RAP1GAP2: variants seen among roughly 807,000 people sequenced by gnomAD.
The protein encoded by RAP1GAP2 is rap1 GTPase-activating protein 2.
RAP1GAP2 carries 27 observed loss-of-function variants against 95.0 expected under a neutral mutation model. The ratio of observed to expected loss-of-function variants is 0.28; its 90% CI spans 0.21 to 0.39. RAP1GAP2 has a LOEUF of 0.39. Among genes scored for constraint, RAP1GAP2 ranks in the 10% least tolerant of loss-of-function variants. The pLI is 1.00. For missense variants in RAP1GAP2, 771 were observed against 970.0 expected, an observed-to-expected ratio of 0.79 and a Z score of 2.72; for synonymous variants, 373 against 380.9, an observed-to-expected ratio of 0.98 and a Z score of 0.24.
At chr17:3,028,256 G>A (rs994631803) in intron 22 of RAP1GAP2, among the ~76,000 whole-genome samples, 4 of 152,270 alleles carry the variant, frequency 2.6e-5, no homozygotes, top group Non-Finnish European at 4.4e-5. Context: ...GAATGGGAAT[G>A]AGACAATAGT....
chr17:2,835,666 A>C (rs1242529391), intron 2 of RAP1GAP2, among the ~76,000 whole-genome samples: 1 of 152,236 alleles, frequency 6.6e-6, no homozygotes, highest in Non-Finnish European at 1.5e-5. Flanking sequence ...TTGAGGCTGC[A>C]GTGAGCTATG....
intron 2 of RAP1GAP2, among the ~76,000 whole-genome samples, chr17:2,844,020 T>TTTTA (rs2071477022): frequency 1.3e-5 from 2 of 151,688 alleles, no homozygotes; most frequent in African/African-American, 4.8e-5. Flanking sequence ...TTATTTTTAT[T>TTTTA]TTTATTTATT....
intron 2 of RAP1GAP2, among the ~76,000 whole-genome samples, chr17:2,850,292 G>A (rs1012400605): frequency 2.0e-5 from 3 of 151,482 alleles, no homozygotes; most frequent in African/African-American, 4.8e-5. Context: ...GAGCCACTGC[G>A]CCTGGCCCGC....
intron 1 of RAP1GAP2, among the ~76,000 whole-genome samples, chr17:2,786,027 G>A (rs973344303): frequency 6.6e-6 from 1 of 150,388 alleles, no homozygotes; most frequent in Non-Finnish European, 1.5e-5. Flanking sequence ...TCAGCCTCCT[G>A]CGTAGCTGGG....
intron 3 of RAP1GAP2, among the ~76,000 whole-genome samples, chr17:2,939,309 C>T (rs1344038339): frequency 1.2e-4 from 18 of 152,168 alleles, no homozygotes; most frequent in African/African-American, 4.3e-4. Context: ...AGGCTGGTCT[C>T]GAACTCCTGA....
chr17:2,887,267 A>T lies in RAP1GAP2; in HGVS notation c.81-18017A>T, dbSNP rs1484167232. 2.6e-5 allele frequency among the ~76,000 whole-genome samples: 4 copies of T among 151,992 alleles called. No homozygotes were observed. In the East Asian group the frequency reaches 5.8e-4, roughly 22 times the overall value. The stretch of plus-strand genomic sequence containing the variant: ...GAGACGGGGTTTCCCCATATTGCCC[A>T]GGCTGGTCTTGAATTCCTGGCCTCA... On this transcript the variant is annotated intron_variant, in intron 2 of 24. Coordinates refer to ENST00000254695, the MANE Select transcript of RAP1GAP2 (RefSeq NM_015085.5).
intron 2 of RAP1GAP2, among the ~76,000 whole-genome samples, chr17:2,820,735 ATTTTATTTTAT>A (rs1255109655): frequency 6.6e-6 from 1 of 151,318 alleles, no homozygotes; most frequent in Admixed American, 6.6e-5. Context: ...ACAGAAGCAT[ATTTTATTTTAT>A]TTTATTTTGA....
intron 1 of RAP1GAP2, among the ~76,000 whole-genome samples, chr17:2,790,562 T>G (rs1192733356): frequency 3.3e-5 from 5 of 152,250 alleles, no homozygotes; most frequent in African/African-American, 1.2e-4. Flanking sequence ...GGATGAGAGC[T>G]GAGCTCCAGG....
chr17:3,032,106 T>C (rs2047335272), intron 23 of RAP1GAP2, among the ~76,000 whole-genome samples: 1 of 141,352 alleles, frequency 7.1e-6, no homozygotes, highest in African/African-American at 2.7e-5. Context: ...CAGGTCCAGA[T>C]GTGAGGTGGG....
intron 2 of RAP1GAP2, among the ~76,000 whole-genome samples, chr17:2,846,480 G>A (rs1475134406): frequency 1.3e-5 from 2 of 151,974 alleles, no homozygotes; most frequent in African/African-American, 2.4e-5. Context: ...GTGCAATCTC[G>A]GCTCACTGCA....
At chr17:2,966,884 A>G (rs2044624676) in intron 8 of RAP1GAP2, among the ~76,000 whole-genome samples, 1 of 152,106 alleles carries the variant, frequency 6.6e-6, no homozygotes, top group African/African-American at 2.4e-5. Flanking sequence ...CAAAGATCTA[A>G]CCCCCTTTTT....
At chr17:2,872,111 G>A (rs554510001) in intron 2 of RAP1GAP2, among the ~76,000 whole-genome samples, 1 of 151,104 alleles carries the variant, frequency 6.6e-6, no homozygotes, top group East Asian at 1.9e-4. Flanking sequence ...CTACTCGGGA[G>A]GCTGAGGCAG....
chr17:2,805,690 T>C (rs531858850), intron 2 of RAP1GAP2, among the ~76,000 whole-genome samples: 1 of 152,198 alleles, frequency 6.6e-6, no homozygotes, highest in East Asian at 1.9e-4. Flanking sequence ...CTGCTCCTTT[T>C]TGCTACCCTC....
In RAP1GAP2 at chr17:2,800,600, A is replaced by G. The variant is rs774651129; in HGVS notation, c.80+50A>G. 2.5e-6 allele frequency: 4 copies of G among 1,586,908 alleles called. No individual in the cohort carries two copies. In the African/African-American group the frequency reaches 4.0e-5, roughly 16 times the overall value. On this transcript the variant is annotated intron_variant, in intron 2 of 24. Coordinates refer to ENST00000254695, the MANE Select transcript of RAP1GAP2 (RefSeq NM_015085.5). ...AAAGGTCAGAGATGACGCGGATCAGAGCGCCGGGCCCTTGCTCCCCCCAGG... is the reference window on the plus strand; with the variant it reads ...AAAGGTCAGAGATGACGCGGATCAGGGCGCCGGGCCCTTGCTCCCCCCAGG...
chr17:2,790,853 C>A (rs953812304), intron 1 of RAP1GAP2, among the ~76,000 whole-genome samples: 5 of 152,230 alleles, frequency 3.3e-5, no homozygotes, highest in Middle Eastern at 3.2e-3. Context: ...GGAGCCTGAA[C>A]TGCCCCCTCC....
chr17:2,760,381 C>T (rs1338412038), intron 1 of RAP1GAP2, among the ~76,000 whole-genome samples: 1 of 151,168 alleles, frequency 6.6e-6, no homozygotes, highest in African/African-American at 2.4e-5. Flanking sequence ...TGCTCTGTCG[C>T]CCAGGGTGGA....
intron 12 of RAP1GAP2, among the ~76,000 whole-genome samples, chr17:2,991,699 TGCCAGGTGTGTGGGAAAGGGA>T (rs1226223151): frequency 6.6e-6 from 1 of 152,242 alleles, no homozygotes; most frequent in Non-Finnish European, 1.5e-5. Context: ...GTCACTCACC[TGCCAGGTGTGTGGGAAAGGGA>T]GCCCCGTGCA....
At chr17:2,945,085 C>T (rs190678388) in intron 3 of RAP1GAP2, among the ~76,000 whole-genome samples, 1 of 152,208 alleles carries the variant, frequency 6.6e-6, no homozygotes, top group Non-Finnish European at 1.5e-5. Context: ...CTGTGTTAGC[C>T]AGGATGGCCT....
chr17:2,849,858 C>A (rs1371040355), intron 2 of RAP1GAP2, among the ~76,000 whole-genome samples: 2 of 152,214 alleles, frequency 1.3e-5, no homozygotes, highest in Non-Finnish European at 2.9e-5. Flanking sequence ...TCTCAGCCCA[C>A]CCCAAAGTGC....
Sources: allele counts gnomAD v4.1 joint callset (sites outside exome capture counted in the v4.1 genomes callset), GRCh38; gene constraint gnomAD v4.1.1; transcripts MANE v1.5; gene names NCBI Gene and HGNC (gene_info 2026-07-23, HGNC 2026-07-21).